The following TYW1 variants were observed in gnomAD, a reference collection of about 807,000 sequenced individuals.
TYW1 encodes the protein S-adenosyl-L-methionine-dependent tRNA 4-demethylwyosine synthase TYW1.
In TYW1, 46 loss-of-function variants were observed where a neutral mutation model predicts 96.2. The observed-to-expected ratio is 0.48, with a 90% confidence interval of 0.38 to 0.61. The LOEUF (loss-of-function observed/expected upper bound fraction) is 0.61. Ranked by LOEUF, TYW1 falls within the 20% of genes least tolerant of loss-of-function variation. TYW1 has a pLI of 0.00. For missense variants in TYW1, 684 were observed against 909.6 expected (o/e 0.75, Z 3.19); for synonymous variants, 274 against 323.0 (o/e 0.85, Z 1.63).
chr7:67,095,068 A>C (rs995880790), intron 11 of TYW1, among the ~76,000 whole-genome samples: 2 of 151,428 alleles, frequency 1.3e-5, no homozygotes, highest in African/African-American at 2.4e-5. Context: ...GCGCAGTCTC[A>C]GCTCACTGCA....
Position 66,996,837 on chromosome 7 carries a change from C to G in TYW1, c.-142C>G, listed in dbSNP as rs1793179377. The G allele has an allele frequency of 2.2e-5, 33 of 1,467,056 alleles. No homozygotes were observed. In the South Asian group the frequency reaches 4.0e-4, roughly 18 times the overall value. The allele number at this position is 1,467,056 out of a possible 1,614,324, so 90.9% of individuals were successfully genotyped here. A position where few individuals can be genotyped will look rare whatever the true frequency, so the allele number is the denominator to read the frequency against. ...TCTGAACCAATCAGGACCGGCCTGG[C>G]AGTGTCATGGCTGCCCACAGGTCTG... On this transcript the variant is annotated 5_prime_UTR_variant, in exon 1 of 16. Coordinates refer to ENST00000359626, the MANE Select transcript of TYW1 (RefSeq NM_018264.4).
intron 9 of TYW1, among the ~76,000 whole-genome samples, chr7:67,066,943 A>G (rs752456960): frequency 2.6e-5 from 4 of 152,178 alleles, no homozygotes; most frequent in Non-Finnish European, 5.9e-5. Flanking sequence ...GACAGCCCCC[A>G]TTTTTTAGGA....
chr7:67,059,103 T>G (rs1332293057), intron 9 of TYW1, among the ~76,000 whole-genome samples: 6 of 149,636 alleles, frequency 4.0e-5, no homozygotes, highest in Admixed American at 6.7e-5. Context: ...AAAGTTTTTT[T>G]TTTTTTTTTT....
rs769261666 is a variant in TYW1, at chr7:67,067,299, G to A, written c.1170G>A (p.Gly390=). ...LCRWTKSMLR[G]RGGCYKHTFY... ...ACTTGTCATAGTCCATGCTCCGAGG[G>A]AGAGGAGGTTGTTACAAACACACAT... is the stretch of plus-strand genomic sequence containing the variant. Residue 390 remains glycine (G), a synonymous_variant, in exon 10 of 16, where the codon GGG becomes GGA. Transcript: ENST00000359626. 10 of 1,613,866 alleles carry A rather than the reference G, an allele frequency of 6.2e-6. No homozygotes were observed. In the East Asian group the frequency reaches 2.0e-4, roughly 32 times the overall value.
chr7:67,194,446 G>A (rs1372147787), intron 14 of TYW1, among the ~76,000 whole-genome samples: 2 of 151,790 alleles, frequency 1.3e-5, no homozygotes, highest in Admixed American at 6.6e-5. Flanking sequence ...TCAACATGGC[G>A]AAACCCCATC....
intron 13 of TYW1, among the ~76,000 whole-genome samples, chr7:67,135,765 C>A (rs936088467): frequency 7.2e-5 from 11 of 152,274 alleles, no homozygotes; most frequent in African/African-American, 2.6e-4. Flanking sequence ...CCCACCAGTT[C>A]CTTGTGTCTG....
intron 11 of TYW1, 106 bp from the exon 12 acceptor site, chr7:67,098,435 C>G: frequency 8.9e-7 from 1 of 1,121,296 alleles, no homozygotes; most frequent in Admixed American, 3.3e-5. Flanking sequence ...TCTTTGGTAT[C>G]AAAAATGAAT....
chr7:67,102,827 A>ATT (rs1797127863), intron 12 of TYW1, among the ~76,000 whole-genome samples: 1 of 151,812 alleles, frequency 6.6e-6, no homozygotes, highest in Non-Finnish European at 1.5e-5. Flanking sequence ...AATTTTTTGT[A>ATT]TTTTTAGTAG....
intron 13 of TYW1, among the ~76,000 whole-genome samples, chr7:67,149,045 A>G (rs1246663854): frequency 6.6e-6 from 1 of 152,076 alleles, no homozygotes; most frequent in Non-Finnish European, 1.5e-5. Context: ...GTGGCATTTT[A>G]CCCCGTTACC....
Position 67,238,829 on chromosome 7 carries a change from A to C in TYW1, c.*300A>C, listed in dbSNP as rs186529820. The C allele has an allele frequency of 3.4e-6, 4 of 1,193,810 alleles. No homozygotes were observed. The African/African-American group carries it at 4.6e-5, about 14-fold the overall frequency. 74.0% of individuals were successfully genotyped at this position (1,193,810 alleles called of 1,614,324 possible). ...AATTTATCTGATGGTTTTGTATTAT[A>C]ACTTGTAAGACCTGCCAGAATGCTA... On this transcript the variant is annotated 3_prime_UTR_variant, in exon 16 of 16. Transcript: ENST00000359626.
At chr7:67,002,639 G>A (rs1793441294) in intron 3 of TYW1, among the ~76,000 whole-genome samples, 1 of 147,592 alleles carries the variant, frequency 6.8e-6, no homozygotes, top group Non-Finnish European at 1.5e-5. Context: ...CTATTGTTCT[G>A]TATACTTGAA....
chr7:67,061,138 A>G (rs10950060), intron 9 of TYW1, among the ~76,000 whole-genome samples: 57,852 of 151,984 alleles, frequency 0.38, 11,383 homozygotes, highest in African/African-American at 0.48. Context: ...TGAGGCACGA[A>G]AATCATTTGA....
chr7:67,139,629 G>A (rs925012925), intron 13 of TYW1, among the ~76,000 whole-genome samples: 1 of 151,908 alleles, frequency 6.6e-6, no homozygotes, highest in Non-Finnish European at 1.5e-5. Flanking sequence ...CACATCCCTC[G>A]AGTACTGCCC....
chr7:67,123,695 A>G (rs945728303), intron 13 of TYW1, among the ~76,000 whole-genome samples: 6 of 152,202 alleles, frequency 3.9e-5, no homozygotes, highest in African/African-American at 1.4e-4. Context: ...GCAAAGAGGG[A>G]GTCTGCGGGT....
At chr7:67,080,417 T>TTTTTTTTTTTTTTTG in intron 10 of TYW1, among the ~76,000 whole-genome samples, 1 of 151,896 alleles carries the variant, frequency 6.6e-6, no homozygotes. Context: ...TTTTTTTTTT[T>TTTTTTTTTTTTTTTG]TAATTTGAGA....
At chr7:67,225,057 G>A (rs781482947) in intron 15 of TYW1, among the ~76,000 whole-genome samples, 19 of 151,978 alleles carry the variant, frequency 1.3e-4, no homozygotes, top group Non-Finnish European at 2.6e-4. Context: ...TGGGCATGGT[G>A]GCACTTGCCT....
At chr7:67,230,078 C>A (rs773305874) in intron 15 of TYW1, among the ~76,000 whole-genome samples, 1 of 150,342 alleles carries the variant, frequency 6.7e-6, no homozygotes, top group Non-Finnish European at 1.5e-5. Context: ...GTAATGGCCA[C>A]GGTCTCTTTA....
chr7:67,180,779 A>G (rs1799816875), intron 13 of TYW1, among the ~76,000 whole-genome samples: 1 of 151,782 alleles, frequency 6.6e-6, no homozygotes, highest in Non-Finnish European at 1.5e-5. Context: ...AGTAGCTGGG[A>G]TTACAGGCGC....
chr7:67,027,545 A>G (rs972875687), intron 7 of TYW1, among the ~76,000 whole-genome samples: 84 of 152,336 alleles, frequency 5.5e-4, no homozygotes, highest in African/African-American at 1.9e-3. Flanking sequence ...CATGGCCATA[A>G]GAAAAATCAA....
Sources: allele counts gnomAD v4.1 joint callset (sites outside exome capture counted in the v4.1 genomes callset), GRCh38; gene constraint gnomAD v4.1.1; transcripts MANE v1.5; gene names NCBI Gene and HGNC (gene_info 2026-07-23, HGNC 2026-07-21).